CRY1: variants seen among roughly 807,000 people sequenced by gnomAD.
CRY1 encodes the protein cryptochrome-1.
Under a neutral mutation model 76.0 loss-of-function variants are expected in CRY1, and 45 were observed. The ratio of observed to expected loss-of-function variants is 0.59; its 90% CI spans 0.47 to 0.76. The LOEUF is 0.76. CRY1 is among the 30% of genes least tolerant of loss of function. The pLI, the probability that CRY1 is intolerant of heterozygous loss-of-function variation, is 0.00. For missense variants in CRY1, 587 were observed against 716.4 expected, an observed-to-expected ratio of 0.82 and a Z score of 2.06; for synonymous variants, 248 against 244.0, an observed-to-expected ratio of 1.02 and a Z score of -0.15.
chr12:107,005,041 T>C, intron 3 of CRY1, 65 bp downstream of exon 3: 1 of 1,483,852 alleles, frequency 6.7e-7, no homozygotes, highest in East Asian at 2.3e-5. Context: ...TACTTAAAAA[T>C]GGTTAAGATG....
chr12:106,996,032 G>T (rs1365863858), intron 10 of CRY1, among the ~76,000 whole-genome samples: 4 of 152,074 alleles, frequency 2.6e-5, no homozygotes, highest in African/African-American at 9.7e-5. Context: ...TAGTAGAGAC[G>T]GGGGTTTCTC....
chr12:107,033,846 T>A (rs1593515783), intron 1 of CRY1, among the ~76,000 whole-genome samples: 1 of 148,284 alleles, frequency 6.7e-6, no homozygotes, highest in Admixed American at 6.9e-5. Context: ...TCCCACCGCT[T>A]CTCTATGCAA....
Position 107,005,229 on chromosome 12 carries a change from A to AT in CRY1, c.286_287insA (p.Leu96HisfsTer4). 6.2e-7 allele frequency: 1 copy of AT among 1,612,966 alleles called. No homozygotes were observed. The highest frequency in any genetic ancestry group is 8.5e-7 in the Non-Finnish European group (1 of 1,179,612). On this transcript the variant is annotated frameshift_variant, in exon 3 of 13. Coordinates refer to ENST00000008527, the MANE Select transcript of CRY1 (RefSeq NM_004075.5). LOFTEE classifies it high-confidence loss of function. ...GGGCTCAGAATCATACTCAATTGAA[A>AT]GTTTAGTAATGTTCCATTCCTAAAG...
At chr12:107,034,540 T>C (rs899754948) in intron 1 of CRY1, among the ~76,000 whole-genome samples, 2 of 152,156 alleles carry the variant, frequency 1.3e-5, no homozygotes, top group Non-Finnish European at 1.5e-5. Flanking sequence ...CCAAGAACCC[T>C]CTCTTAAGGG....
intron 1 of CRY1, among the ~76,000 whole-genome samples, chr12:107,091,359 C>A (rs966732941): frequency 6.6e-6 from 1 of 152,146 alleles, no homozygotes; most frequent in Non-Finnish European, 1.5e-5. Context: ...CACTACATAT[C>A]CAATCTGCCA....
chr12:107,021,618 GT>G (rs1379982054), intron 2 of CRY1, among the ~76,000 whole-genome samples: 1 of 152,092 alleles, frequency 6.6e-6, no homozygotes, highest in African/African-American at 2.4e-5. Context: ...GCAGAGAATG[GT>G]GTGTATAGTG....
At chr12:107,082,705 G>A (rs973512031) in intron 1 of CRY1, among the ~76,000 whole-genome samples, 8 of 152,050 alleles carry the variant, frequency 5.3e-5, no homozygotes, top group Admixed American at 6.6e-5. Flanking sequence ...GTGTTAAGAG[G>A]GAAATTTATA....
At chr12:107,010,717 T>G (rs1293081896) in intron 2 of CRY1, among the ~76,000 whole-genome samples, 2 of 152,132 alleles carry the variant, frequency 1.3e-5, no homozygotes, top group Non-Finnish European at 2.9e-5. Flanking sequence ...TAGCTGGCAC[T>G]ACAGGTACCA....
At chr12:107,054,845 G>A (rs7300236) in intron 1 of CRY1, among the ~76,000 whole-genome samples, 105,282 of 151,798 alleles carry the variant, frequency 0.69, 37,276 homozygotes, top group East Asian at 0.97. Flanking sequence ...GTAATGATAA[G>A]AACAAAAGCC....
chr12:107,019,132 A>G (rs1952526122), intron 2 of CRY1, among the ~76,000 whole-genome samples: 1 of 152,232 alleles, frequency 6.6e-6, no homozygotes, highest in Non-Finnish European at 1.5e-5. Context: ...TGACAGAAGA[A>G]TCTTCTCCCT....
intron 1 of CRY1, among the ~76,000 whole-genome samples, chr12:107,084,033 ATAC>A (rs1165409206): frequency 6.6e-6 from 1 of 152,148 alleles, no homozygotes; most frequent in Non-Finnish European, 1.5e-5. Context: ...AAGCATTCCT[ATAC>A]ACCAATAATA....
At chr12:107,090,647 C>T (rs1325330108) in intron 1 of CRY1, among the ~76,000 whole-genome samples, 5 of 152,140 alleles carry the variant, frequency 3.3e-5, no homozygotes, top group Non-Finnish European at 5.9e-5. Flanking sequence ...GGATCTCTAG[C>T]ACCTAAAACA....
intron 10 of CRY1, among the ~76,000 whole-genome samples, chr12:106,993,360 C>T (rs1415728370): frequency 6.6e-6 from 1 of 151,780 alleles, no homozygotes; most frequent in Non-Finnish European, 1.5e-5. Flanking sequence ...TCCTCCCTCA[C>T]TCTTGTCCCT....
chr12:107,043,561 CA>C (rs980816173), intron 1 of CRY1, among the ~76,000 whole-genome samples: 4 of 152,092 alleles, frequency 2.6e-5, no homozygotes, highest in Non-Finnish European at 5.9e-5. Context: ...CATCCCAGGG[CA>C]AAAAAGCAGT....
chr12:107,012,047 G>A (rs552047075), intron 2 of CRY1, among the ~76,000 whole-genome samples: 11 of 152,088 alleles, frequency 7.2e-5, no homozygotes, highest in South Asian at 2.1e-4. Flanking sequence ...AAATTTAGCC[G>A]GGCATGGTGG....
At chr12:107,041,092 A>G (rs1952793765) in intron 1 of CRY1, among the ~76,000 whole-genome samples, 1 of 152,114 alleles carries the variant, frequency 6.6e-6, no homozygotes, top group African/African-American at 2.4e-5. Context: ...TTCTACACTT[A>G]CAGAGAGAAA....
intron 1 of CRY1, among the ~76,000 whole-genome samples, chr12:107,079,019 A>G (rs1953291116): frequency 6.6e-6 from 1 of 152,052 alleles, no homozygotes; most frequent in South Asian, 2.1e-4. Flanking sequence ...TCTAACATTC[A>G]CTCAGCTGCT....
intron 1 of CRY1, among the ~76,000 whole-genome samples, chr12:107,069,678 T>A (rs891685277): frequency 1.8e-4 from 26 of 141,976 alleles, no homozygotes; most frequent in Non-Finnish European, 3.2e-4. Flanking sequence ...TATATATATA[T>A]AAAGTATATA....
chr12:107,035,106 T>C (rs964678789), intron 1 of CRY1, among the ~76,000 whole-genome samples: 2 of 152,356 alleles, frequency 1.3e-5, no homozygotes, highest in East Asian at 3.9e-4. Context: ...CCCAGATCTA[T>C]GAATAATGCT....
Sources: gnomAD v4.1 joint callset for allele counts (sites outside exome capture counted in the v4.1 genomes callset) on GRCh38, gnomAD v4.1.1 for gene constraint, MANE v1.5 for transcripts, NCBI Gene and HGNC (gene_info 2026-07-23, HGNC 2026-07-21) for gene names.